Variants in TRIM9 observed in about 807,000 individuals in gnomAD.
The protein encoded by TRIM9 is tripartite motif containing 9.
A neutral mutation model predicts 78.3 loss-of-function variants in TRIM9; 26 were observed. That is an observed-to-expected ratio of 0.33 (90% CI 0.24 to 0.46). TRIM9 has a LOEUF of 0.46. Ranked by LOEUF, TRIM9 falls within the 20% of genes least tolerant of loss-of-function variation. The pLI is 1.00. For missense variants in TRIM9, 787 were observed against 1,036.4 expected, an observed-to-expected ratio of 0.76 and a Z score of 3.30; for synonymous variants, 398 against 416.5, an observed-to-expected ratio of 0.96 and a Z score of 0.54.
intron 6 of TRIM9, among the ~76,000 whole-genome samples, chr14:51,000,183 ATC>A: frequency 6.6e-6 from 1 of 152,368 alleles, no homozygotes; most frequent in East Asian, 1.9e-4. Context: ...GCAGAAATAA[ATC>A]TTGGACAACG....
rs1280489116 is a variant in TRIM9 at position 50,979,479 on chromosome 14, A to G, written c.2233T>C (p.Phe745Leu). 1 of 1,614,062 alleles carries G rather than the reference A, an allele frequency of 6.2e-7. No individual in the cohort carries two copies. The highest frequency in any genetic ancestry group is 1.3e-5 in the African/African-American group (1 of 74,934). ...LLDLNRKNLT[F>L]FINDEQQGPI... ...CCTTGTTGTTCATCGTTGATAAAAA[A>G]TGTCAAGTTTTTTCTATTTAAGTCG... The change falls in exon 12 of 13, where the codon TTT becomes CTT. Residue 745 changes from phenylalanine to leucine, a missense_variant. Transcript: ENST00000684578.
chr14:50,978,779 A>G, intron 12 of TRIM9: 1 of 517,358 alleles, frequency 1.9e-6, no homozygotes, highest in Non-Finnish European at 2.5e-6. Flanking sequence ...TTTTTTTTTC[A>G]CTGATGTATC....
intron 1 of TRIM9, among the ~76,000 whole-genome samples, chr14:51,025,806 G>A (rs2058175103): frequency 6.6e-6 from 1 of 152,106 alleles, no homozygotes; most frequent in Non-Finnish European, 1.5e-5. Flanking sequence ...GAAGGGGTAG[G>A]TACTGGTGTG....
intron 1 of TRIM9, among the ~76,000 whole-genome samples, chr14:51,063,110 A>G (rs1328811067): frequency 1.3e-5 from 2 of 152,198 alleles, no homozygotes; most frequent in Non-Finnish European, 2.9e-5. Context: ...AAAGGAAAAA[A>G]TGATCATCAT....
chr14:50,994,107 C>T (rs1041587003), intron 7 of TRIM9, among the ~76,000 whole-genome samples: 3 of 152,134 alleles, frequency 2.0e-5, no homozygotes, highest in Non-Finnish European at 2.9e-5. Context: ...CACAAGGATC[C>T]TTATCAAAGG....
chr14:50,982,900 T>G, intron 10 of TRIM9, 42 bp downstream of exon 10: 1 of 1,528,972 alleles, frequency 6.5e-7, no homozygotes, highest in Non-Finnish European at 8.9e-7. Flanking sequence ...CACATGCACT[T>G]TGGTCTTTGC....
intron 7 of TRIM9, among the ~76,000 whole-genome samples, chr14:50,993,973 C>T (rs974276073): frequency 5.3e-5 from 8 of 152,176 alleles, no homozygotes; most frequent in African/African-American, 1.9e-4. Context: ...ATGTCCACAT[C>T]TGAATCCCCA....
chr14:51,053,580 C>CTT (rs1348456935), intron 1 of TRIM9, among the ~76,000 whole-genome samples: 10,518 of 74,482 alleles, frequency 0.14, 594 homozygotes, highest in Admixed American at 0.21. Context: ...TTTTAATTTT[C>CTT]TTTTTTTTTT....
intron 1 of TRIM9, among the ~76,000 whole-genome samples, chr14:51,059,573 G>A (rs2061162496): frequency 6.6e-6 from 1 of 152,186 alleles, no homozygotes; most frequent in African/African-American, 2.4e-5. Context: ...GCTGAGGCAG[G>A]TGGATCACGA....
intron 11 of TRIM9, 59 bp from the exon 12 acceptor site, chr14:50,979,608 C>A (rs1414884192): frequency 2.1e-6 from 3 of 1,447,056 alleles, no homozygotes; most frequent in Non-Finnish European, 2.9e-6. Context: ...GAAGCTCCCC[C>A]CTTTTGTGTG....
rs552904397 is a variant in TRIM9 at position 50,996,221 on chromosome 14, T to C, written c.1603+1829A>G. On this transcript the variant is annotated intron_variant, in intron 7 of 12. Transcript: ENST00000684578. Reference sequence around the variant, plus strand: ...CAATATATAAAATTCATGGAGGAAATTAATTTCTACAGTACAGTTTCTTTG... The same window carrying C: ...CAATATATAAAATTCATGGAGGAAACTAATTTCTACAGTACAGTTTCTTTG... 25 of 985,394 alleles carry C rather than the reference T, an allele frequency of 2.5e-5. No individual in the cohort carries two copies. In the South Asian group the frequency reaches 9.9e-4, roughly 39 times the overall value. 61.0% of individuals were successfully genotyped at this position (985,394 alleles called of 1,614,324 possible).
intron 1 of TRIM9, among the ~76,000 whole-genome samples, chr14:51,066,793 T>G (rs1344574764): frequency 6.6e-6 from 1 of 152,186 alleles, no homozygotes; most frequent in Non-Finnish European, 1.5e-5. Flanking sequence ...AGCTCGGCGT[T>G]TGCCTTATTT....
chr14:51,073,397 C>T (rs1215516105), intron 1 of TRIM9, among the ~76,000 whole-genome samples: 3 of 152,158 alleles, frequency 2.0e-5, no homozygotes, highest in Non-Finnish European at 4.4e-5. Context: ...TGGAAACTAT[C>T]AAAAGGCTCA....
chr14:51,077,381 A>T (rs1413605254), intron 1 of TRIM9, among the ~76,000 whole-genome samples: 1 of 118,846 alleles, frequency 8.4e-6, no homozygotes, highest in Non-Finnish European at 1.7e-5. Context: ...CTCATCTCCA[A>T]TTCTGTTTTT....
chr14:51,060,535 C>T (rs1406313306), intron 1 of TRIM9, among the ~76,000 whole-genome samples: 3 of 152,106 alleles, frequency 2.0e-5, no homozygotes, highest in Non-Finnish European at 2.9e-5. Flanking sequence ...GGCACGATCT[C>T]GGCTGACTGC....
chr14:50,980,579 A>G (rs1185393583), intron 11 of TRIM9, among the ~76,000 whole-genome samples: 2 of 152,234 alleles, frequency 1.3e-5, no homozygotes, highest in Non-Finnish European at 2.9e-5. Context: ...CAGCATTAAG[A>G]ATGTGTTTCT....
intron 1 of TRIM9, among the ~76,000 whole-genome samples, chr14:51,031,147 C>CAAAAAAAAAAAAAAAAAAAAAAAAAAAA (rs1210514761): frequency 9.9e-6 from 1 of 100,766 alleles, no homozygotes; most frequent in Non-Finnish European, 1.9e-5. Flanking sequence ...AAACTCTTTC[C>CAAAAAAAAAAAAAAAAAAAAAAAAAAAA]AAAAAAAAAA....
At chr14:51,042,092 ATGCAGGCCCTC>A (rs1467532910) in intron 1 of TRIM9, among the ~76,000 whole-genome samples, 1 of 152,214 alleles carries the variant, frequency 6.6e-6, no homozygotes, top group Non-Finnish European at 1.5e-5. Flanking sequence ...CAAGACCATG[ATGCAGGCCCTC>A]TGCAAAATGC....
intron 3 of TRIM9, 55 bp downstream of exon 3, chr14:51,022,780 C>A: frequency 6.2e-7 from 1 of 1,606,616 alleles, no homozygotes; most frequent in Non-Finnish European, 8.5e-7. Context: ...GTCCATCATG[C>A]CCCTCGGGAG....
Sources: allele counts gnomAD v4.1 joint callset (sites outside exome capture counted in the v4.1 genomes callset), GRCh38; gene constraint gnomAD v4.1.1; transcripts MANE v1.5; gene names NCBI Gene and HGNC (gene_info 2026-07-23, HGNC 2026-07-21).